DMXL1: variants seen among roughly 807,000 people sequenced by gnomAD.
The protein encoded by DMXL1 is Dmx like 1, also known as dmX-like protein 1.
A neutral mutation model predicts 319.2 loss-of-function variants in DMXL1; 99 were observed. The observed-to-expected ratio is 0.31, with a 90% confidence interval of 0.26 to 0.37. The LOEUF (loss-of-function observed/expected upper bound fraction) is 0.37. DMXL1 is among the 10% of genes least tolerant of loss of function. The pLI, the probability that DMXL1 is intolerant of heterozygous loss-of-function variation, is 1.00. For synonymous variants in DMXL1, 1,385 were observed against 1,235.2 expected (o/e 1.12, Z -2.54); for missense variants, 3,745 against 3,595.6 (o/e 1.04, Z -1.06).
At chr5:119,077,181 A>G (rs1330710872) in intron 1 of DMXL1, among the ~76,000 whole-genome samples, 1 of 143,726 alleles carries the variant, frequency 7.0e-6, no homozygotes, top group Non-Finnish European at 1.5e-5. Context: ...TTTTTGAGGC[A>G]GGATCTTGTT....
chr5:119,167,843 C>A lies in DMXL1; in HGVS notation c.5377C>A (p.Gln1793Lys), dbSNP rs773992857. The change falls in exon 23 of 44, where the codon CAA becomes AAA. Residue 1793 changes from glutamine to lysine, a missense_variant. Physicochemically the swap from Gln to Lys is moderately conservative, Grantham distance 53. Coordinates refer to ENST00000539542, the MANE Select transcript of DMXL1 (RefSeq NM_001290321.3). ...TGGTGCTCTGGAAACATTAATAAAGCAACCTATCAGAGAGAATGATGGTAA... is the reference window on the plus strand; with the variant it reads ...TGGTGCTCTGGAAACATTAATAAAGAAACCTATCAGAGAGAATGATGGTAA... ...YSGALETLIK[Q>K]PIRENDDQVL... is the part of the protein sequence containing the mutation. 71 of 1,612,408 alleles carry A rather than the reference C, an allele frequency of 4.4e-5. No homozygotes were observed. The highest frequency in any genetic ancestry group is 6.7e-5 in the Admixed American group (4 of 59,710).
intron 36 of DMXL1, 51 bp downstream of exon 36, chr5:119,220,644 T>C (rs764151674): frequency 6.3e-6 from 10 of 1,585,700 alleles, no homozygotes; most frequent in Non-Finnish European, 1.7e-6. Context: ...TGAGTGACTA[T>C]ATTTACTGAA....
At chr5:119,165,827 G>A (rs1460481862) in intron 21 of DMXL1, among the ~76,000 whole-genome samples, 1 of 152,194 alleles carries the variant, frequency 6.6e-6, no homozygotes, top group South Asian at 2.1e-4. Flanking sequence ...CAATGATTCA[G>A]TTACCTCCCA....
intron 1 of DMXL1, among the ~76,000 whole-genome samples, chr5:119,072,673 A>G (rs1409316635): frequency 1.3e-5 from 2 of 152,250 alleles, no homozygotes; most frequent in African/African-American, 4.8e-5. Flanking sequence ...TTTGTTGGTC[A>G]GAATAAATAA....
chr5:119,242,339 C>T (rs1363740908), intron 42 of DMXL1, among the ~76,000 whole-genome samples: 1 of 152,094 alleles, frequency 6.6e-6, no homozygotes, highest in Non-Finnish European at 1.5e-5. Context: ...TGAACAATTG[C>T]AATTTGAAAT....
In DMXL1 at chr5:119,244,433, A is replaced by C; in HGVS notation, c.8779A>C (p.Arg2927=). 6.2e-7 allele frequency: 1 copy of C among 1,614,162 alleles called. No homozygotes were observed. Among genetic ancestry groups the C allele is most frequent in the South Asian group, 1.1e-5 (1 of 91,086 alleles). Residue 2927 remains arginine (R), a synonymous_variant, in exon 43 of 44, where the codon AGA becomes CGA. Coordinates refer to ENST00000539542, the MANE Select transcript of DMXL1 (RefSeq NM_001290321.3). The stretch of plus-strand genomic sequence containing the variant: ...ACATCAGCTACTAATATCAGGTGGC[A>C]GAAAAGGTTTTACATATGTATTTGA... ...PKHQLLISGG[R]KGFTYVFDLC...
chr5:119,222,586 A>G (rs1438933070), intron 37 of DMXL1, among the ~76,000 whole-genome samples: 2 of 152,168 alleles, frequency 1.3e-5, no homozygotes, highest in East Asian at 3.8e-4. Flanking sequence ...TTCCTGTAAC[A>G]TCTTTCTTGT....
At chr5:119,110,893 A>G (rs901118190) in intron 5 of DMXL1, among the ~76,000 whole-genome samples, 4 of 152,208 alleles carry the variant, frequency 2.6e-5, no homozygotes, top group South Asian at 4.1e-4. Context: ...GGTTCAAGCA[A>G]TTCTCCTGCC....
At chr5:119,197,191 A>T (rs868666053) in intron 31 of DMXL1, among the ~76,000 whole-genome samples, 9 of 152,188 alleles carry the variant, frequency 5.9e-5, no homozygotes, top group African/African-American at 1.9e-4. Context: ...GTTATATGCC[A>T]TACAGAAATT....
At chr5:119,202,901 A>ATTTATATATATATATT (rs1218153697) in intron 32 of DMXL1, among the ~76,000 whole-genome samples, 19 of 144,772 alleles carry the variant, frequency 1.3e-4, no homozygotes, top group African/African-American at 4.8e-4. Flanking sequence ...ATATATATAT[A>ATTTATATATATATATT]TATATTTATA....
intron 19 of DMXL1, among the ~76,000 whole-genome samples, chr5:119,162,803 A>G (rs1772553513): frequency 1.3e-5 from 2 of 152,196 alleles, no homozygotes; most frequent in African/African-American, 2.4e-5. Context: ...CAAAAATTTG[A>G]TTTAGAATAA....
At chr5:119,158,676 A>C (rs1771618517) in intron 19 of DMXL1, among the ~76,000 whole-genome samples, 2 of 152,236 alleles carry the variant, frequency 1.3e-5, no homozygotes, top group Non-Finnish European at 2.9e-5. Context: ...CTAATTTGGG[A>C]GAGTTTTTGT....
chr5:119,080,894 T>G (rs6870955), intron 1 of DMXL1, among the ~76,000 whole-genome samples: 4,400 of 152,162 alleles, frequency 0.029, 189 homozygotes, highest in African/African-American at 0.1. Context: ...TTTCACAAGC[T>G]CTTCAGGAAA....
Position 119,167,042 on chromosome 5 carries a change from A to G in DMXL1, c.5136+261A>G, listed in dbSNP as rs570144439. Among the ~76,000 whole-genome samples, 16 of 152,284 alleles carry G rather than the reference A, an allele frequency of 1.1e-4. No individual in the cohort carries two copies. The South Asian group carries it at 1.7e-3, about 16-fold the overall frequency. ...TTGATTTGACTCTTGAGAATATTCAAAAAATTAAAGGGTTTGTCCTACCAG... is the reference window on the plus strand; with the variant it reads ...TTGATTTGACTCTTGAGAATATTCAGAAAATTAAAGGGTTTGTCCTACCAG... On this transcript the variant is annotated intron_variant, in intron 22 of 43. Transcript: ENST00000539542.
At chr5:119,163,975 G>A (rs1772856453) in intron 19 of DMXL1, among the ~76,000 whole-genome samples, 1 of 152,126 alleles carries the variant, frequency 6.6e-6, no homozygotes, top group Non-Finnish European at 1.5e-5. Flanking sequence ...GCCTCCCAAA[G>A]TGCTGGGATT....
chr5:119,223,876 T>A (rs1785073505), intron 37 of DMXL1, among the ~76,000 whole-genome samples: 1 of 152,144 alleles, frequency 6.6e-6, no homozygotes, highest in Non-Finnish European at 1.5e-5. Context: ...TAAACAGAAG[T>A]CATATGCAGC....
chr5:119,203,200 C>A (rs998588903), intron 32 of DMXL1, 119 bp from the exon 33 acceptor site: 1 of 614,206 alleles, frequency 1.6e-6, no homozygotes, highest in African/African-American at 1.9e-5. Context: ...TGATCTGCCT[C>A]CAGTCATACA....
chr5:119,090,044 G>T (rs1335684933), intron 1 of DMXL1, among the ~76,000 whole-genome samples: 1 of 52,384 alleles, frequency 1.9e-5, no homozygotes, highest in African/African-American at 7.4e-5. Context: ...TTTTGAGAAG[G>T]ACTTTCGCTC....
intron 5 of DMXL1, among the ~76,000 whole-genome samples, chr5:119,112,903 C>T (rs553683012): frequency 1.3e-4 from 20 of 151,982 alleles, no homozygotes; most frequent in African/African-American, 4.6e-4. Context: ...TTACAATGAG[C>T]CGAGATCACA....
Sources: allele counts gnomAD v4.1 joint callset (sites outside exome capture counted in the v4.1 genomes callset), GRCh38; gene constraint gnomAD v4.1.1; transcripts MANE v1.5; gene names NCBI Gene and HGNC (gene_info 2026-07-23, HGNC 2026-07-21).